MAGT1: variants seen among roughly 807,000 people sequenced by gnomAD.
MAGT1 encodes magnesium transporter 1.
A neutral mutation model predicts 28.4 loss-of-function variants in MAGT1; 4 were observed. That is an observed-to-expected ratio of 0.14 (90% CI 0.07 to 0.32). MAGT1 has a LOEUF of 0.32. Among genes scored for constraint, MAGT1 ranks in the 10% least tolerant of loss-of-function variants. MAGT1 has a pLI of 1.00. For missense variants in MAGT1, 193 were observed against 264.5 expected, an observed-to-expected ratio of 0.73 and a Z score of 1.88; for synonymous variants, 89 against 89.7, an observed-to-expected ratio of 0.99 and a Z score of 0.04.
chrX:77,894,332 A>G, intron 1 of MAGT1, among the ~76,000 whole-genome samples: 1 of 112,199 alleles, frequency 8.9e-6, no homozygotes, highest in Non-Finnish European at 1.9e-5. Flanking sequence ...TTCTTATGGA[A>G]TAGTTCAAAT....
At chrX:77,887,243 T>C (rs782126874) in intron 1 of MAGT1, among the ~76,000 whole-genome samples, 2 of 111,365 alleles carry the variant, frequency 1.8e-5, no homozygotes, top group South Asian at 3.8e-4. Context: ...CACAGGTGCA[T>C]GCTACCATGC....
intron 7 of MAGT1, among the ~76,000 whole-genome samples, chrX:77,841,851 AT>A (rs34014897): frequency 2.4e-3 from 191 of 80,017 alleles, no homozygotes; most frequent in Middle Eastern, 7.5e-3. Context: ...AAATTCTGTA[AT>A]TTTTTTTTTT....
intron 3 of MAGT1, among the ~76,000 whole-genome samples, chrX:77,864,446 T>G: frequency 9.0e-6 from 1 of 111,436 alleles, no homozygotes; most frequent in Non-Finnish European, 1.9e-5. Flanking sequence ...GTTCCCAACA[T>G]ATAGAAATGA....
intron 8 of MAGT1, among the ~76,000 whole-genome samples, chrX:77,840,890 G>A (rs370968917): frequency 1.9e-3 from 215 of 111,964 alleles, no homozygotes; most frequent in Middle Eastern, 9.1e-3. Flanking sequence ...TATGTATATA[G>A]AAAAAGTTAT....
chrX:77,890,985 T>C (rs782749792), intron 1 of MAGT1, among the ~76,000 whole-genome samples: 2 of 111,153 alleles, frequency 1.8e-5, no homozygotes, highest in Admixed American at 1.9e-4. Context: ...TGTTCATCAC[T>C]TTCCACATTT....
intron 7 of MAGT1, among the ~76,000 whole-genome samples, chrX:77,846,898 G>A (rs782680073): frequency 8.9e-6 from 1 of 111,965 alleles, no homozygotes; most frequent in African/African-American, 3.2e-5. Context: ...ACTTAAGGAG[G>A]CAGTCTGTCC....
rs963772645 is a variant in MAGT1 at position 77,826,967 on chromosome X, A to C, written c.*2253T>G. ...ACGAAAAACAAAAAACCCACATAAA[A>C]TATTTCTTCTGAGGCTACTATATCC... On this transcript the variant is annotated 3_prime_UTR_variant, in exon 10 of 10. Transcript: ENST00000618282. 8.9e-6 allele frequency: 1 copy of C among 112,118 alleles called. No homozygotes were observed. 9.2% of individuals were successfully genotyped at this position (112,118 alleles called of 1,213,427 possible).
chrX:77,826,342 G>A lies in MAGT1; in HGVS notation c.*2878C>T, dbSNP rs535113600. ...AGTGTTTAAAACTCACTCCTCTTTAGATGGTAATCAAAAACTCAGAATTTA... is the reference window on the plus strand; with the variant it reads ...AGTGTTTAAAACTCACTCCTCTTTAAATGGTAATCAAAAACTCAGAATTTA... On this transcript the variant is annotated 3_prime_UTR_variant, in exon 10 of 10. Transcript: ENST00000618282. 1 of 112,301 alleles carries A rather than the reference G, an allele frequency of 8.9e-6. No individual in the cohort carries two copies. The highest frequency in any genetic ancestry group is 3.2e-5 in the African/African-American group (1 of 30,973). 9.3% of individuals were successfully genotyped at this position (112,301 alleles called of 1,213,427 possible).
At position 77,840,974 on chromosome X, in the gene MAGT1, A is replaced by G. The variant is rs1157422628; in HGVS notation, c.901+272T>C. ...TATATATACAGTTTTTAAGGTTTTT[A>G]TAAGTGGAAAGAAATATATTACAAT... On this transcript the variant is annotated intron_variant, in intron 8 of 9. Coordinates refer to ENST00000618282, the MANE Select transcript of MAGT1 (RefSeq NM_001367916.1). Among the ~76,000 whole-genome samples the G allele has an allele frequency of 2.7e-5, 3 of 112,238 alleles. No homozygotes were observed. The South Asian group carries it at 1.1e-3, about 41-fold the overall frequency.
chrX:77,875,353 T>G, intron 2 of MAGT1, 75 bp downstream of exon 2: 1 of 1,021,337 alleles, frequency 9.8e-7, no homozygotes, highest in Non-Finnish European at 1.4e-6. Flanking sequence ...CTGCACTAAC[T>G]TGGCCCTTCT....
At chrX:77,836,950 T>C (rs1161049196) in intron 8 of MAGT1, among the ~76,000 whole-genome samples, 2 of 111,888 alleles carry the variant, frequency 1.8e-5, no homozygotes, top group Non-Finnish European at 3.8e-5. Context: ...AGCATCACTC[T>C]GTATATATTT....
chrX:77,867,173 T>G lies in MAGT1; in HGVS notation c.390+3635A>C, dbSNP rs958426521. 1.6e-4 allele frequency among the ~76,000 whole-genome samples: 11 copies of G among 67,094 alleles called. 1 individual carries two copies. The highest frequency in any genetic ancestry group is 3.8e-4 in the African/African-American group (11 of 28,855). The allele number at this position is 67,094 out of a possible 115,157, so 58.3% of individuals were successfully genotyped here. On this transcript the variant is annotated intron_variant, in intron 3 of 9. Coordinates refer to ENST00000618282, the MANE Select transcript of MAGT1 (RefSeq NM_001367916.1). ...TTCCTCTGTCTTGATGAATTGGATCTGTTTAGGCAGCAGCAAAGTGAACCC... is the reference window on the plus strand; with the variant it reads ...TTCCTCTGTCTTGATGAATTGGATCGGTTTAGGCAGCAGCAAAGTGAACCC...
chrX:77,830,975 ATTTTATTTTATTTTATTTT>A, intron 8 of MAGT1, 80 bp from the exon 9 acceptor site: 1 of 7,660 alleles, frequency 1.3e-4, no homozygotes, highest in Admixed American at 2.4e-3. Flanking sequence ...TTCTTTTTTT[ATTTTATTTTATTTTATTTT>A]ATTTTATTTT....
intron 1 of MAGT1, among the ~76,000 whole-genome samples, chrX:77,877,013 C>CAAA (rs782800456): frequency 5.7e-4 from 6 of 10,616 alleles, no homozygotes; most frequent in Non-Finnish European, 7.6e-4. Flanking sequence ...AACTCCATCT[C>CAAA]AAAAAAAAAA....
chrX:77,837,778 C>T (rs916989601), intron 8 of MAGT1, among the ~76,000 whole-genome samples: 5 of 111,252 alleles, frequency 4.5e-5, no homozygotes, highest in South Asian at 7.5e-4. Flanking sequence ...AGTCTCACTC[C>T]GTCGCCCAGG....
At position 77,867,256 on chromosome X, in the gene MAGT1, T is replaced by C. The variant is rs2149022424; in HGVS notation, c.390+3552A>G. Among the ~76,000 whole-genome samples the C allele has an allele frequency of 3.0e-5, 2 of 66,763 alleles. 1 individual carries two copies. Among genetic ancestry groups the C allele is most frequent in the Non-Finnish European group, 8.1e-5 (2 of 24,644 alleles). The allele number at this position is 66,763 out of a possible 115,157, so 58.0% of individuals were successfully genotyped here. A position where few individuals can be genotyped will look rare whatever the true frequency, so the allele number is the denominator to read the frequency against. The stretch of plus-strand genomic sequence containing the variant: ...AAGGGGAGGCACACTTACTATCCAT[T>C]ACAGAAAATGTGGGTTCCCAGAGCT... On this transcript the variant is annotated intron_variant, in intron 3 of 9. Coordinates refer to ENST00000618282, the MANE Select transcript of MAGT1 (RefSeq NM_001367916.1).
intron 7 of MAGT1, among the ~76,000 whole-genome samples, chrX:77,845,054 T>C (rs1486168901): frequency 9.0e-6 from 1 of 111,057 alleles, no homozygotes; most frequent in Non-Finnish European, 1.9e-5. Context: ...TGTTAAAGTC[T>C]CCCATTATTA....
At chrX:77,843,685 A>T (rs2076941994) in intron 7 of MAGT1, among the ~76,000 whole-genome samples, 1 of 111,491 alleles carries the variant, frequency 9.0e-6, no homozygotes, top group South Asian at 3.7e-4. Context: ...TTCGTTTTTT[A>T]AAATTTTTAT....
At chrX:77,879,645 C>A (rs2077045414) in intron 1 of MAGT1, among the ~76,000 whole-genome samples, 1 of 110,664 alleles carries the variant, frequency 9.0e-6, no homozygotes, top group Admixed American at 9.8e-5. Flanking sequence ...CAATTCTTTA[C>A]CATACAGTAG....
Sources: allele counts gnomAD v4.1 joint callset (sites outside exome capture counted in the v4.1 genomes callset), GRCh38; gene constraint gnomAD v4.1.1; transcripts MANE v1.5; gene names NCBI Gene and HGNC (gene_info 2026-07-23, HGNC 2026-07-21).